CAMTA1: variants seen among roughly 807,000 people sequenced by gnomAD.
CAMTA1 encodes calmodulin-binding transcription activator 1.
A neutral mutation model predicts 170.9 loss-of-function variants in CAMTA1; 27 were observed. The ratio of observed to expected loss-of-function variants is 0.16; its 90% confidence interval spans 0.12 to 0.22. CAMTA1 has a LOEUF of 0.22. Ranked by LOEUF, CAMTA1 falls within the 10% of genes least tolerant of loss-of-function variation. CAMTA1 has a pLI of 1.00. For synonymous variants in CAMTA1, 833 were observed against 891.5 expected, an observed-to-expected ratio of 0.93 and a Z score of 1.17; for missense variants, 1,619 against 2,217.2, an observed-to-expected ratio of 0.73 and a Z score of 5.42.
chr1:6,930,253 A>C (rs1449106865), intron 3 of CAMTA1, among the ~76,000 whole-genome samples: 1 of 152,052 alleles, frequency 6.6e-6, no homozygotes. Context: ...GCTGGGATCC[A>C]AGTCTTCTCT....
At chr1:7,494,457 C>T (rs1273682370) in intron 6 of CAMTA1, among the ~76,000 whole-genome samples, 1 of 152,064 alleles carries the variant, frequency 6.6e-6, no homozygotes, top group African/African-American at 2.4e-5. Context: ...GAGTTGAAAC[C>T]ATGAGCGGGA....
intron 5 of CAMTA1, among the ~76,000 whole-genome samples, chr1:7,395,129 C>T (rs1201196897): frequency 6.6e-6 from 1 of 152,142 alleles, no homozygotes; most frequent in African/African-American, 2.4e-5. Flanking sequence ...GTGATCCACC[C>T]GCCTCAGCCT....
chr1:6,874,959 C>T (rs1424053757), intron 3 of CAMTA1, among the ~76,000 whole-genome samples: 1 of 152,198 alleles, frequency 6.6e-6, no homozygotes, highest in Non-Finnish European at 1.5e-5. Flanking sequence ...ACATCACTGC[C>T]TTTCCTGAGT....
chr1:6,858,483 T>G (rs1663300302), intron 3 of CAMTA1, among the ~76,000 whole-genome samples: 3 of 70,382 alleles, frequency 4.3e-5, no homozygotes, highest in Non-Finnish European at 5.9e-5. Context: ...TGTGTGTGTG[T>G]GTTGGGGGGG....
chr1:7,722,430 A>G lies in CAMTA1; in HGVS notation c.2915-10018A>G, dbSNP rs576316358. Among the ~76,000 whole-genome samples the G allele has an allele frequency of 2.6e-5, 4 of 152,032 alleles. No individual in the cohort carries two copies. The Middle Eastern group carries it at 0.01, about 388-fold the overall frequency. On this transcript the variant is annotated intron_variant, in intron 11 of 22. Transcript: ENST00000303635. The stretch of plus-strand genomic sequence containing the variant: ...GATGGGGTCGACCCAGCAAAAGAAA[A>G]GGGAATCTGAAGCCCCAACTAACCA...
At chr1:6,804,347 G>A (rs1361141789) in intron 1 of CAMTA1, among the ~76,000 whole-genome samples, 1 of 151,876 alleles carries the variant, frequency 6.6e-6, no homozygotes, top group Non-Finnish European at 1.5e-5. Flanking sequence ...AGCTTAAGAT[G>A]TAATTCATAT....
intron 3 of CAMTA1, 96 bp from the exon 4 acceptor site, chr1:7,091,208 T>A: frequency 1.2e-6 from 1 of 815,998 alleles, no homozygotes. Context: ...GGCTCGCAAA[T>A]GAAAACAGCA....
At position 7,007,467 on chromosome 1, in the gene CAMTA1, C is replaced by T. The variant is rs1699169879; in HGVS notation, c.235-83837C>T. On this transcript the variant is annotated intron_variant, in intron 3 of 22. Coordinates refer to ENST00000303635, the MANE Select transcript of CAMTA1 (RefSeq NM_015215.4). The surrounding 1 kb of genome is among the most constrained non-coding windows in gnomAD (Gnocchi z 4.5). ...TCACACCCAGGTCCTTCCCTCGCCT[C>T]GAGAACCCCAAGCGAATTCCCACTT... 2.0e-5 allele frequency among the ~76,000 whole-genome samples: 3 copies of T among 152,170 alleles called. No homozygotes were observed. The highest frequency in any genetic ancestry group is 3.2e-3 in the Middle Eastern group (1 of 316).
intron 3 of CAMTA1, among the ~76,000 whole-genome samples, chr1:6,945,631 C>T (rs1338419441): frequency 6.6e-6 from 1 of 152,124 alleles, no homozygotes; most frequent in East Asian, 1.9e-4. Flanking sequence ...CAGGCGTGAA[C>T]CACTGTACCC....
chr1:7,676,002 C>T (rs1398676661), intron 10 of CAMTA1, among the ~76,000 whole-genome samples: 1 of 152,132 alleles, frequency 6.6e-6, no homozygotes, highest in African/African-American at 2.4e-5. Flanking sequence ...AAGAGGCCAT[C>T]CCCCCCGACC....
intron 6 of CAMTA1, among the ~76,000 whole-genome samples, chr1:7,504,124 C>G (rs897627514): frequency 6.6e-6 from 1 of 152,162 alleles, no homozygotes. Context: ...ATACCATGGC[C>G]GGGGGACTCT....
intron 3 of CAMTA1, among the ~76,000 whole-genome samples, chr1:6,886,926 C>T (rs1395471822): frequency 6.6e-6 from 1 of 152,106 alleles, no homozygotes; most frequent in South Asian, 2.1e-4. Context: ...AGATGCTAGT[C>T]GTTTTGTTCA....
chr1:7,349,149 C>T lies in CAMTA1; in HGVS notation c.438+99523C>T, dbSNP rs571423128. ...AAAAGTCATTCCCGTTCTCCTCGAG[C>T]GCATGTTAACGACAGCACAGAATAG... On this transcript the variant is annotated intron_variant, in intron 5 of 22. Coordinates refer to ENST00000303635, the MANE Select transcript of CAMTA1 (RefSeq NM_015215.4). Among the ~76,000 whole-genome samples the T allele has an allele frequency of 2.4e-4, 36 of 152,306 alleles. No homozygotes were observed. The East Asian group carries it at 6.0e-3, about 25-fold the overall frequency.
chr1:7,355,373 A>C lies in CAMTA1; in HGVS notation c.438+105747A>C, dbSNP rs1340630738. Reference sequence around the variant, plus strand: ...GCACTCCAGCCTGGGCAACAGAGCAAGACCCTGTCTCAAAACAAAACAAAA... The same window carrying C: ...GCACTCCAGCCTGGGCAACAGAGCACGACCCTGTCTCAAAACAAAACAAAA... On this transcript the variant is annotated intron_variant, in intron 5 of 22. Transcript: ENST00000303635. Among the ~76,000 whole-genome samples, 4 of 152,286 alleles carry C rather than the reference A, an allele frequency of 2.6e-5. No homozygotes were observed. In the East Asian group the frequency reaches 7.7e-4, roughly 29 times the overall value.
At chr1:6,871,818 A>T in intron 3 of CAMTA1, 5 of 1,526,624 alleles carry the variant, frequency 3.3e-6, no homozygotes, top group Non-Finnish European at 4.4e-6. Context: ...TTCACCTTTG[A>T]TCCCCTGACC....
At chr1:6,908,998 G>A (rs570092922) in intron 3 of CAMTA1, among the ~76,000 whole-genome samples, 49 of 152,326 alleles carry the variant, frequency 3.2e-4, no homozygotes, top group Non-Finnish European at 5.6e-4. Context: ...ATAACATGGC[G>A]AAGTACAATA....
chr1:7,187,482 T>C, intron 4 of CAMTA1, among the ~76,000 whole-genome samples: 1 of 152,172 alleles, frequency 6.6e-6, no homozygotes, highest in East Asian at 1.9e-4. Flanking sequence ...CCTATATTTG[T>C]CTCCCCATTA....
chr1:6,880,093 ATTTATC>A (rs1393766132), intron 3 of CAMTA1, among the ~76,000 whole-genome samples: 1 of 150,976 alleles, frequency 6.6e-6, no homozygotes, highest in African/African-American at 2.4e-5. Context: ...TATTTTTTAT[ATTTATC>A]TTTAATTTAA....
chr1:7,759,517 G>GT (rs1180792559), intron 22 of CAMTA1, among the ~76,000 whole-genome samples: 3 of 151,982 alleles, frequency 2.0e-5, no homozygotes, highest in African/African-American at 4.8e-5. Context: ...TGGTTGTTTT[G>GT]TTTTTTGTTT....
Sources: gnomAD v4.1 joint callset for allele counts (sites outside exome capture counted in the v4.1 genomes callset) on GRCh38, gnomAD v4.1.1 for gene constraint, Gnocchi (gnomAD v3.1) non-coding constraint, MANE v1.5 for transcripts, NCBI Gene and HGNC (gene_info 2026-07-23, HGNC 2026-07-21) for gene names.